KAZN: variants seen among roughly 807,000 people sequenced by gnomAD.
KAZN encodes the protein kazrin, periplakin interacting protein.
A neutral mutation model predicts 87.4 loss-of-function variants in KAZN; 40 were observed. The ratio of observed to expected loss-of-function variants is 0.46; its 90% CI spans 0.36 to 0.60. The LOEUF is 0.60. Among genes scored for constraint, KAZN ranks in the 20% least tolerant of loss-of-function variants. KAZN has a pLI of 0.00. For missense variants in KAZN, 898 were observed against 1,073.9 expected (o/e 0.84, Z 2.29); for synonymous variants, 466 against 458.3 (o/e 1.02, Z -0.22).
chr1:13,929,869 A>G (rs932683519), intron 1 of KAZN, among the ~76,000 whole-genome samples: 9 of 152,202 alleles, frequency 5.9e-5, no homozygotes, highest in Non-Finnish European at 1.3e-4. Flanking sequence ...CCTCGTAGCA[A>G]CTGCCTGCAG....
At chr1:15,046,096 G>A (rs1305297908) in intron 4 of KAZN, among the ~76,000 whole-genome samples, 6 of 152,120 alleles carry the variant, frequency 3.9e-5, no homozygotes, top group African/African-American at 1.2e-4. Context: ...TCAGGAGTTC[G>A]AGACCAGCCT....
At chr1:14,219,643 A>G (rs1647049076) in intron 2 of KAZN, among the ~76,000 whole-genome samples, 1 of 152,158 alleles carries the variant, frequency 6.6e-6, no homozygotes. Context: ...AAATAAGAAA[A>G]TTGTAGTATG....
chr1:14,664,599 A>G (rs1384627574), intron 1 of KAZN, among the ~76,000 whole-genome samples: 2 of 150,808 alleles, frequency 1.3e-5, no homozygotes, highest in South Asian at 2.1e-4. Flanking sequence ...CAATATTCCA[A>G]CCCTACTCCA....
rs188379237 is a variant in KAZN at position 14,718,180 on chromosome 1, G to C, written c.226+118957G>C. ...TTCATGCTCTCTCTTCCAGCTGTTTGCACCACCACTTCAAATGGTTGATTC... is the reference window on the plus strand; with the variant it reads ...TTCATGCTCTCTCTTCCAGCTGTTTCCACCACCACTTCAAATGGTTGATTC... On this transcript the variant is annotated intron_variant, in intron 1 of 14. Coordinates refer to ENST00000376030, the MANE Select transcript of KAZN (RefSeq NM_201628.3). 7.5e-4 allele frequency among the ~76,000 whole-genome samples: 114 copies of C among 152,326 alleles called. 1 individual carries two copies. Among genetic ancestry groups the C allele is most frequent in the African/African-American group, 2.7e-3 (112 of 41,568 alleles).
intron 1 of KAZN, among the ~76,000 whole-genome samples, chr1:14,907,165 G>T (rs554967880): frequency 1.5e-4 from 23 of 152,104 alleles, no homozygotes; most frequent in African/African-American, 5.5e-4. Context: ...GGAGGCCGAG[G>T]CTGGTGGATC....
chr1:14,653,938 G>A (rs1017491086), intron 1 of KAZN, among the ~76,000 whole-genome samples: 5 of 152,158 alleles, frequency 3.3e-5, no homozygotes, highest in Non-Finnish European at 7.4e-5. Context: ...CCTGGCCTCC[G>A]CCTACCAGAT....
chr1:14,365,344 GGCGCCCACCCCCTCCCCCCGGGGT>G (rs1198283877), intron 2 of KAZN, among the ~76,000 whole-genome samples: 7 of 141,086 alleles, frequency 5.0e-5, no homozygotes, highest in African/African-American at 1.9e-4. Flanking sequence ...ACCGCGCCCC[GGCGCCCACCCCCTCCCCCCGGGGT>G]GGGGGGGGGG....
chr1:14,662,530 C>T (rs1639247698), intron 1 of KAZN, among the ~76,000 whole-genome samples: 1 of 152,124 alleles, frequency 6.6e-6, no homozygotes, highest in African/African-American at 2.4e-5. Flanking sequence ...CCTAGCAGCT[C>T]CTCCCTCCAA....
At chr1:14,800,411 G>A (rs1353846531) in intron 1 of KAZN, among the ~76,000 whole-genome samples, 1 of 152,186 alleles carries the variant, frequency 6.6e-6, no homozygotes, top group Non-Finnish European at 1.5e-5. Context: ...ATAAGAGAAT[G>A]AAGTAATTGC....
At chr1:14,914,918 C>T (rs61773605) in intron 1 of KAZN, among the ~76,000 whole-genome samples, 2,828 of 152,286 alleles carry the variant, frequency 0.019, 39 homozygotes, top group Middle Eastern at 0.051. Flanking sequence ...TGGCCAGGCG[C>T]GGTGGCTCAC....
chr1:13,977,677 C>T (rs1638430050), intron 1 of KAZN, among the ~76,000 whole-genome samples: 1 of 152,092 alleles, frequency 6.6e-6, no homozygotes, highest in South Asian at 2.1e-4. Context: ...AACAGGCGGC[C>T]TGGAACTTAT....
intron 1 of KAZN, among the ~76,000 whole-genome samples, chr1:14,114,276 C>T (rs189959949): frequency 1.4e-3 from 218 of 152,154 alleles, no homozygotes; most frequent in African/African-American, 5.0e-3. Flanking sequence ...TCAGCTGCTG[C>T]GTGGGGGGCC....
intron 2 of KAZN, among the ~76,000 whole-genome samples, chr1:14,530,382 A>T (rs570151560): frequency 1.3e-4 from 20 of 152,310 alleles, no homozygotes; most frequent in Admixed American, 8.5e-4. Flanking sequence ...AAGCCAGAAA[A>T]GGACATTTGA....
chr1:13,952,791 C>T (rs1266395041), intron 1 of KAZN, among the ~76,000 whole-genome samples: 1 of 152,168 alleles, frequency 6.6e-6, no homozygotes, highest in African/African-American at 2.4e-5. Flanking sequence ...AGCTCAAATA[C>T]CAGTAGTATC....
At chr1:14,443,696 G>C (rs1037858001) in intron 2 of KAZN, among the ~76,000 whole-genome samples, 3 of 152,098 alleles carry the variant, frequency 2.0e-5, no homozygotes, top group African/African-American at 4.8e-5. Flanking sequence ...CACTCCTCTC[G>C]AGCCTCCCAC....
At chr1:13,970,194 C>T (rs1045894784) in intron 1 of KAZN, among the ~76,000 whole-genome samples, 1 of 152,082 alleles carries the variant, frequency 6.6e-6, no homozygotes, top group Non-Finnish European at 1.5e-5. Flanking sequence ...TGCCAAATAC[C>T]ATCTGTTCTC....
At chr1:13,911,892 A>T (rs1208202133) in intron 1 of KAZN, among the ~76,000 whole-genome samples, 2 of 152,140 alleles carry the variant, frequency 1.3e-5, no homozygotes, top group Non-Finnish European at 2.9e-5. Context: ...GGTTCTAAGA[A>T]GTGAAGGATG....
At chr1:15,017,096 A>G (rs912345786) in intron 2 of KAZN, among the ~76,000 whole-genome samples, 2 of 151,416 alleles carry the variant, frequency 1.3e-5, no homozygotes, top group African/African-American at 4.9e-5. Context: ...TCAGGAGTTC[A>G]AGACCAGCCT....
intron 2 of KAZN, among the ~76,000 whole-genome samples, chr1:14,242,533 C>G (rs528761228): frequency 1.3e-5 from 2 of 152,258 alleles, no homozygotes; most frequent in East Asian, 3.9e-4. Flanking sequence ...AGGACTCAGG[C>G]AGTAAACAAA....
Sources: gnomAD v4.1 joint callset for allele counts (sites outside exome capture counted in the v4.1 genomes callset) on GRCh38, gnomAD v4.1.1 for gene constraint, MANE v1.5 for transcripts, NCBI Gene and HGNC (gene_info 2026-07-23, HGNC 2026-07-21) for gene names.